Variants in ZMIZ1 observed in about 807,000 individuals in gnomAD.
ZMIZ1 encodes zinc finger MIZ domain-containing protein 1.
A neutral mutation model predicts 113.9 loss-of-function variants in ZMIZ1; 17 were observed. The ratio of observed to expected loss-of-function variants is 0.15; its 90% confidence interval spans 0.10 to 0.22. The LOEUF (loss-of-function observed/expected upper bound fraction) is 0.22, where lower values mean the gene tolerates loss of function less well. Ranked by LOEUF, ZMIZ1 falls within the 10% of genes least tolerant of loss-of-function variation. The pLI, the probability that ZMIZ1 is intolerant of heterozygous loss-of-function variation, is 1.00. For missense variants in ZMIZ1, 1,059 were observed against 1,477.8 expected, an observed-to-expected ratio of 0.72 and a Z score of 4.65; for synonymous variants, 607 against 603.1, an observed-to-expected ratio of 1.01 and a Z score of -0.09.
intron 4 of ZMIZ1, among the ~76,000 whole-genome samples, chr10:79,200,055 TAG>T: frequency 6.6e-6 from 1 of 152,190 alleles, no homozygotes; most frequent in Non-Finnish European, 1.5e-5. Flanking sequence ...ATCCTGGCCT[TAG>T]AGAGTGTGTG....
chr10:79,159,963 C>A (rs1451856781), intron 3 of ZMIZ1, among the ~76,000 whole-genome samples: 2 of 152,242 alleles, frequency 1.3e-5, no homozygotes, highest in Non-Finnish European at 2.9e-5. Context: ...TTTCTCCGGG[C>A]CTGGCCGATG....
chr10:79,274,526 G>A (rs922088076), intron 7 of ZMIZ1, among the ~76,000 whole-genome samples: 6 of 152,154 alleles, frequency 3.9e-5, no homozygotes, highest in Admixed American at 2.0e-4. Flanking sequence ...GCGAATTCCC[G>A]GGTGTTGTCA....
chr10:79,187,308 C>T (rs1416172187), intron 4 of ZMIZ1, among the ~76,000 whole-genome samples: 1 of 152,208 alleles, frequency 6.6e-6, no homozygotes, highest in Non-Finnish European at 1.5e-5. Flanking sequence ...TCTAGCCCGG[C>T]GGACACTGCC....
chr10:79,155,262 G>C (rs1020351554), intron 3 of ZMIZ1, among the ~76,000 whole-genome samples: 6 of 152,216 alleles, frequency 3.9e-5, no homozygotes, highest in Non-Finnish European at 8.8e-5. Context: ...ACCTGTCAGA[G>C]TTCAAGGCCT....
At chr10:79,238,429 A>T (rs901191184) in intron 7 of ZMIZ1, among the ~76,000 whole-genome samples, 1 of 152,204 alleles carries the variant, frequency 6.6e-6, no homozygotes, top group African/African-American at 2.4e-5. Flanking sequence ...TGGAGGTCTC[A>T]CTGTGCATCG....
chr10:79,164,203 C>T (rs1270528122), intron 4 of ZMIZ1, among the ~76,000 whole-genome samples: 1 of 152,202 alleles, frequency 6.6e-6, no homozygotes, highest in Non-Finnish European at 1.5e-5. Context: ...GCACCAACAG[C>T]GGCAGCGTGG....
Position 79,069,184 on chromosome 10 carries a change from G to T in ZMIZ1, c.-423G>T, listed in dbSNP as rs1842160161. ...GAGCCGAGCGGATCTCGGCGCCCTC[G>T]CTGCGCTCCTCCCGGCCCGAGCCTG... On this transcript the variant is annotated 5_prime_UTR_variant, in exon 1 of 25. Transcript: ENST00000334512. This position sits in a 1 kb window ranked among gnomAD's most constrained non-coding sequence, Gnocchi z 4.6. 2 of 150,226 alleles carry T rather than the reference G, an allele frequency of 1.3e-5. No individual in the cohort carries two copies. Among genetic ancestry groups the T allele is most frequent in the Non-Finnish European group, 3.0e-5 (2 of 67,402 alleles). The allele number at this position is 150,226 out of a possible 1,614,324, so 9.3% of individuals were successfully genotyped here. A position where few individuals can be genotyped will look rare whatever the true frequency, so the allele number is the denominator to read the frequency against.
At chr10:79,089,867 G>A (rs914581567) in intron 1 of ZMIZ1, among the ~76,000 whole-genome samples, 2 of 152,058 alleles carry the variant, frequency 1.3e-5, no homozygotes, top group South Asian at 2.1e-4. Context: ...CCTGGCTTTC[G>A]GAAGGGAGGG....
chr10:79,275,066 A>G (rs1852189837), intron 7 of ZMIZ1, among the ~76,000 whole-genome samples: 1 of 152,216 alleles, frequency 6.6e-6, no homozygotes, highest in Non-Finnish European at 1.5e-5. Flanking sequence ...TGGCGTGCAA[A>G]TGAGTTTCCA....
chr10:79,227,441 G>A (rs575511390), intron 7 of ZMIZ1, among the ~76,000 whole-genome samples: 1 of 152,300 alleles, frequency 6.6e-6, no homozygotes, highest in South Asian at 2.1e-4. Context: ...GGAGTAGCCT[G>A]TCTGGGTGTG....
chr10:79,089,636 A>G (rs1200756738), intron 1 of ZMIZ1, among the ~76,000 whole-genome samples: 2 of 152,030 alleles, frequency 1.3e-5, no homozygotes, highest in African/African-American at 4.8e-5. Flanking sequence ...CTGAAGACAA[A>G]ATCCCAGGGA....
chr10:79,246,442 T>TCCC (rs1321651263), intron 7 of ZMIZ1, among the ~76,000 whole-genome samples: 3,215 of 152,264 alleles, frequency 0.021, 98 homozygotes, highest in African/African-American at 0.073. Context: ...GGGAGGTGTT[T>TCCC]ACCTTGAGCG....
chr10:79,199,900 G>A (rs117872143), intron 4 of ZMIZ1, among the ~76,000 whole-genome samples: 1,533 of 152,324 alleles, frequency 0.01, 11 homozygotes, highest in Non-Finnish European at 0.017. Flanking sequence ...AAAGGCTGGG[G>A]CCAGGCAATG....
In ZMIZ1 at chr10:79,212,048, T is replaced by C. The variant is rs374808443; in HGVS notation, c.174+3599T>C. 2.1e-4 allele frequency among the ~76,000 whole-genome samples: 32 copies of C among 152,342 alleles called. No individual in the cohort carries two copies. The East Asian group carries it at 2.3e-3, about 11-fold the overall frequency. On this transcript the variant is annotated intron_variant, in intron 6 of 24. Transcript: ENST00000334512. The stretch of plus-strand genomic sequence containing the variant: ...TCCCTAGACAGCCTGTCCTCCTGTT[T>C]TGTGACCAGCAGGCTGGACGCTTTT...
At chr10:79,193,677 A>G (rs1343729340) in intron 4 of ZMIZ1, among the ~76,000 whole-genome samples, 1 of 152,192 alleles carries the variant, frequency 6.6e-6, no homozygotes, top group Non-Finnish European at 1.5e-5. Flanking sequence ...GGTGTGTGAC[A>G]GCGACATGGA....
chr10:79,250,291 C>A (rs1850468286), intron 7 of ZMIZ1, among the ~76,000 whole-genome samples: 1 of 152,242 alleles, frequency 6.6e-6, no homozygotes. Context: ...CTGTCCTTGC[C>A]CTGTGTTGCA....
chr10:79,142,713 G>A (rs758895415), intron 3 of ZMIZ1, among the ~76,000 whole-genome samples: 1 of 152,190 alleles, frequency 6.6e-6, no homozygotes, highest in Non-Finnish European at 1.5e-5. Flanking sequence ...CACCCTGGCC[G>A]GCACTCCCTG....
At chr10:79,243,292 A>G (rs1849967946) in intron 7 of ZMIZ1, among the ~76,000 whole-genome samples, 1 of 149,748 alleles carries the variant, frequency 6.7e-6, no homozygotes, top group Non-Finnish European at 1.5e-5. Flanking sequence ...CCCCCGGCCC[A>G]TCCCCGTCCC....
intron 4 of ZMIZ1, among the ~76,000 whole-genome samples, chr10:79,192,820 C>T (rs914701036): frequency 6.6e-6 from 1 of 152,190 alleles, no homozygotes; most frequent in African/African-American, 2.4e-5. Context: ...ACCCAGGGGC[C>T]CCACCCTGTG....
Sources: gnomAD v4.1 joint callset for allele counts (sites outside exome capture counted in the v4.1 genomes callset) on GRCh38, gnomAD v4.1.1 for gene constraint, Gnocchi (gnomAD v3.1) non-coding constraint, MANE v1.5 for transcripts, NCBI Gene and HGNC (gene_info 2026-07-23, HGNC 2026-07-21) for gene names.